NEMF: variants seen among roughly 807,000 people sequenced by gnomAD.
NEMF encodes ribosome quality control complex subunit NEMF.
A neutral mutation model predicts 162.2 loss-of-function variants in NEMF; 89 were observed. The observed-to-expected ratio is 0.55, with a 90% confidence interval of 0.46 to 0.65. NEMF has a LOEUF of 0.65. NEMF is among the 30% of genes least tolerant of loss of function. NEMF has a pLI of 0.00. For missense variants in NEMF, 1,133 were observed against 1,261.9 expected, an observed-to-expected ratio of 0.90 and a Z score of 1.55; for synonymous variants, 421 against 404.5, an observed-to-expected ratio of 1.04 and a Z score of -0.49.
chr14:49,828,256 A>G (rs752469285), intron 15 of NEMF, 35 bp downstream of exon 15: 5 of 1,440,268 alleles, frequency 3.5e-6, no homozygotes, highest in Non-Finnish European at 4.9e-6. Flanking sequence ...CGCAGGCACA[A>G]ACAACTAACA....
intron 7 of NEMF, among the ~76,000 whole-genome samples, chr14:49,833,817 C>A (rs1386940369): frequency 6.6e-6 from 1 of 152,072 alleles, no homozygotes; most frequent in Admixed American, 6.6e-5. Flanking sequence ...CAAAAACTTA[C>A]AGTTTTAATT....
At chr14:49,833,576 A>C in intron 7 of NEMF, 80 bp from the exon 8 acceptor site, 1 of 834,862 alleles carries the variant, frequency 1.2e-6, no homozygotes, top group Non-Finnish European at 1.9e-6. Flanking sequence ...ATGTAGAAAA[A>C]CAGGAAAGTG....
chr14:49,835,660 C>A (rs1892861450), intron 6 of NEMF, among the ~76,000 whole-genome samples: 2 of 152,124 alleles, frequency 1.3e-5, no homozygotes, highest in Non-Finnish European at 2.9e-5. Flanking sequence ...GAAGCTATAG[C>A]TAGCACAATA....
rs181531176 is a variant in NEMF, at chr14:49,809,986, G to A, written c.1745-3853C>T. ...GGATATCGATAATAGGGGAGGCTACGCATGCATGCAGCAGGGGGTATGAGG... is the reference window on the plus strand; with the variant it reads ...GGATATCGATAATAGGGGAGGCTACACATGCATGCAGCAGGGGGTATGAGG... On this transcript the variant is annotated intron_variant, in intron 18 of 32. Transcript: ENST00000298310. Among the ~76,000 whole-genome samples the A allele has an allele frequency of 7.2e-5, 11 of 152,128 alleles. No homozygotes were observed. In the East Asian group the frequency reaches 1.5e-3, roughly 21 times the overall value.
intron 18 of NEMF, among the ~76,000 whole-genome samples, chr14:49,806,563 C>A (rs1891227372): frequency 6.6e-6 from 1 of 151,416 alleles, no homozygotes. Flanking sequence ...CCCGGCCGGT[C>A]AATCACATAT....
At chr14:49,788,681 A>C (rs1405258193) in intron 28 of NEMF, among the ~76,000 whole-genome samples, 2 of 151,746 alleles carry the variant, frequency 1.3e-5, no homozygotes, top group African/African-American at 4.8e-5. Context: ...CAGCCTCCCA[A>C]GTAGCTGAGA....
chr14:49,819,594 T>C (rs2139924387), intron 16 of NEMF, among the ~76,000 whole-genome samples: 1 of 152,132 alleles, frequency 6.6e-6, no homozygotes, highest in South Asian at 2.1e-4. Context: ...TTTGTATTTT[T>C]GTAGAGACGG....
intron 18 of NEMF, among the ~76,000 whole-genome samples, chr14:49,807,549 T>A (rs1891274336): frequency 2.0e-5 from 1 of 50,346 alleles, no homozygotes; most frequent in Non-Finnish European, 4.5e-5. Context: ...TTCTCCAGCA[T>A]CATCACCAGC....
chr14:49,837,630 A>G (rs1312133291), intron 6 of NEMF, among the ~76,000 whole-genome samples: 1 of 152,134 alleles, frequency 6.6e-6, no homozygotes, highest in African/African-American at 2.4e-5. Flanking sequence ...CTAATTTCAT[A>G]AGAGAGGAAG....
chr14:49,790,759 G>A (rs1890402216), intron 26 of NEMF, among the ~76,000 whole-genome samples: 1 of 152,112 alleles, frequency 6.6e-6, no homozygotes, highest in South Asian at 2.1e-4. Context: ...GGAGGTCTGG[G>A]TAGGTGGATC....
rs1489582209 is a variant in NEMF at position 49,837,663 on chromosome 14, A to C, written c.574+476T>G. Among the ~76,000 whole-genome samples, 5 of 152,090 alleles carry C rather than the reference A, an allele frequency of 3.3e-5. No homozygotes were observed. The East Asian group carries it at 7.7e-4, about 23-fold the overall frequency. On this transcript the variant is annotated intron_variant, in intron 6 of 32. Transcript: ENST00000298310. ...AAGAGTTAACTCTCTAGTGCTCAGT[A>C]ATCAATGGTACCTGCCTCCCCGTCT...
At chr14:49,827,131 T>A (rs186576325) in intron 15 of NEMF, among the ~76,000 whole-genome samples, 2 of 152,162 alleles carry the variant, frequency 1.3e-5, no homozygotes, top group Non-Finnish European at 2.9e-5. Flanking sequence ...GGGCTCTGAA[T>A]TGTATTAAGA....
intron 28 of NEMF, among the ~76,000 whole-genome samples, chr14:49,787,440 C>T (rs1594718721): frequency 6.6e-6 from 1 of 152,300 alleles, no homozygotes. Context: ...AATCCCAGCA[C>T]TTTGGGAGGC....
chr14:49,830,322 C>T (rs1394810769), intron 11 of NEMF, among the ~76,000 whole-genome samples: 1 of 152,152 alleles, frequency 6.6e-6, no homozygotes. Flanking sequence ...ACTGGCCTAC[C>T]TGCTTTGAAA....
intron 23 of NEMF, 107 bp downstream of exon 23, chr14:49,800,313 T>TG: frequency 2.4e-6 from 2 of 845,772 alleles, no homozygotes; most frequent in Non-Finnish European, 3.6e-6. Context: ...ATTAAGACAA[T>TG]GGAGTGTAAA....
intron 6 of NEMF, among the ~76,000 whole-genome samples, chr14:49,835,719 T>A (rs1404574843): frequency 6.6e-6 from 1 of 152,154 alleles, no homozygotes; most frequent in Non-Finnish European, 1.5e-5. Flanking sequence ...AAGTAAAGCA[T>A]CCTTATTCAC....
chr14:49,845,577 A>G (rs1438355072), intron 4 of NEMF, among the ~76,000 whole-genome samples: 1 of 152,158 alleles, frequency 6.6e-6, no homozygotes, highest in Non-Finnish European at 1.5e-5. Context: ...GCTGTACAAT[A>G]CTTTCTTTCT....
chr14:49,845,474 T>G (rs1013450232), intron 4 of NEMF, among the ~76,000 whole-genome samples: 1 of 152,208 alleles, frequency 6.6e-6, no homozygotes, highest in Non-Finnish European at 1.5e-5. Flanking sequence ...TAAATTAACC[T>G]TTGCTTCCTG....
At position 49,782,976 on chromosome 14, in the gene NEMF, A is replaced by G. The variant is rs200207875; in HGVS notation, c.*1660T>C. On this transcript the variant is annotated 3_prime_UTR_variant, in exon 33 of 33. Transcript: ENST00000298310. Reference sequence around the variant, plus strand: ...TAAGGCTTCATAAATAATGCCTATGATCACCTTGCATGGACAGCAATCCTG... The same window carrying G: ...TAAGGCTTCATAAATAATGCCTATGGTCACCTTGCATGGACAGCAATCCTG... 1.1e-5 allele frequency: 17 copies of G among 1,605,990 alleles called. No homozygotes were observed. The East Asian group carries it at 3.8e-4, about 36-fold the overall frequency.
Sources: allele counts gnomAD v4.1 joint callset (sites outside exome capture counted in the v4.1 genomes callset), GRCh38; gene constraint gnomAD v4.1.1; transcripts MANE v1.5; gene names NCBI Gene and HGNC (gene_info 2026-07-23, HGNC 2026-07-21).